Variants in BTAF1 observed in about 807,000 individuals in gnomAD.
The protein encoded by BTAF1 is B-TFIID TATA-box binding protein associated factor 1, also known as TATA-binding protein-associated factor 172.
BTAF1 carries 38 observed loss-of-function variants against 227.1 expected under a neutral mutation model. The observed-to-expected ratio is 0.17, with a 90% CI of 0.13 to 0.22. The LOEUF (loss-of-function observed/expected upper bound fraction) is 0.22. BTAF1 is among the 10% of genes least tolerant of loss of function. The probability of loss-of-function intolerance (pLI) is 1.00; values close to 1 mark genes in which losing one functional copy is unlikely to be tolerated. For synonymous variants in BTAF1, 742 were observed against 751.9 expected (o/e 0.99, Z 0.21); for missense variants, 1,598 against 2,204.0 (o/e 0.73, Z 5.51).
chr10:91,950,153 G>GGGA (rs1845659527), intron 4 of BTAF1, among the ~76,000 whole-genome samples: 1 of 89,968 alleles, frequency 1.1e-5, no homozygotes, highest in Non-Finnish European at 2.4e-5. Context: ...CTTTGTGGGG[G>GGGA]GGGGCGGGAA....
At chr10:92,025,096 A>G (rs1851404060) in intron 35 of BTAF1, 129 bp downstream of exon 35, 3 of 737,802 alleles carry the variant, frequency 4.1e-6, no homozygotes, top group Non-Finnish European at 6.5e-6. Flanking sequence ...ATTCACCCCA[A>G]ATAAACCCCT....
intron 14 of BTAF1, among the ~76,000 whole-genome samples, chr10:91,972,748 T>G (rs1250489285): frequency 1.3e-5 from 2 of 152,226 alleles, no homozygotes; most frequent in Non-Finnish European, 2.9e-5. Context: ...AAGCCAAAGC[T>G]TATTGTGAAT....
At chr10:91,950,053 G>A (rs1845640753) in intron 4 of BTAF1, among the ~76,000 whole-genome samples, 1 of 150,756 alleles carries the variant, frequency 6.6e-6, no homozygotes, top group East Asian at 2.0e-4. Flanking sequence ...GAGGCAGGAG[G>A]ACTCCTTAAG....
At chr10:92,028,709 A>C in intron 37 of BTAF1, 81 bp from the exon 38 acceptor site, 2 of 1,336,444 alleles carry the variant, frequency 1.5e-6, no homozygotes, top group Middle Eastern at 1.9e-4. Flanking sequence ...TATTAGAAAC[A>C]AGTGTGATTT....
intron 4 of BTAF1, 64 bp from the exon 5 acceptor site, chr10:91,951,339 A>G: frequency 6.7e-7 from 1 of 1,499,390 alleles, no homozygotes; most frequent in Non-Finnish European, 9.1e-7. Flanking sequence ...ATAGAGTTTG[A>G]TGTGCACGTA....
chr10:91,946,518 A>C (rs1323918512), intron 4 of BTAF1, among the ~76,000 whole-genome samples: 1 of 152,212 alleles, frequency 6.6e-6, no homozygotes, highest in Non-Finnish European at 1.5e-5. Context: ...GAGTTTTCCA[A>C]AGTGGCTCTG....
At chr10:91,935,507 C>T in intron 1 of BTAF1, 150 bp from the exon 2 acceptor site, 2 of 760,884 alleles carry the variant, frequency 2.6e-6, no homozygotes, top group Non-Finnish European at 3.8e-6. Context: ...CTTTCTGTGT[C>T]TGGCTTATTT....
chr10:92,008,719 T>C (rs1366976189), intron 26 of BTAF1, 110 bp from the exon 27 acceptor site: 1 of 1,037,340 alleles, frequency 9.6e-7, no homozygotes, highest in African/African-American at 1.6e-5. Context: ...ATTTCTCTTT[T>C]GCATATAGAA....
intron 32 of BTAF1, 26 bp from the exon 33 acceptor site, chr10:92,016,314 C>T (rs1324342157): frequency 3.2e-6 from 5 of 1,577,066 alleles, no homozygotes; most frequent in Non-Finnish European, 4.3e-6. Context: ...ATACTTAAAG[C>T]TTCTCCCACG....
intron 4 of BTAF1, among the ~76,000 whole-genome samples, chr10:91,946,969 C>T (rs1199989734): frequency 6.6e-6 from 1 of 151,758 alleles, no homozygotes; most frequent in African/African-American, 2.4e-5. Flanking sequence ...CTTCTTCCTG[C>T]AGTAGCTGGG....
rs144590214 is a variant in BTAF1, at chr10:92,016,404, C to T, written c.4649C>T (p.Ser1550Leu). 5.4e-5 allele frequency: 87 copies of T among 1,600,908 alleles called. No homozygotes were observed. The African/African-American group carries it at 7.5e-4, about 14-fold the overall frequency. Residue 1550 changes from serine to leucine, a missense_variant, in exon 33 of 38, where the codon TCA (serine) becomes TTA (leucine). Around this residue, in one of 10 missense-constraint regions of BTAF1, gnomAD observed 205 missense variants for 244.5 expected, o/e 0.84. Transcript: ENST00000265990. Reference sequence around the variant, plus strand: ...TGTGATGTTGATGAAACAGTTTCTTCAGCTACACTTTCTGAAGAAACTGAA... The same window carrying T: ...TGTGATGTTGATGAAACAGTTTCTTTAGCTACACTTTCTGAAGAAACTGAA... ...AKCDVDETVS[S>L]ATLSEETEKP...
intron 12 of BTAF1, among the ~76,000 whole-genome samples, chr10:91,963,690 A>AT (rs879865956): frequency 6.6e-6 from 1 of 152,066 alleles, no homozygotes; most frequent in African/African-American, 2.4e-5. Context: ...TAAAAACTAA[A>AT]TTTTTTTTAT....
At chr10:91,956,468 A>G (rs1846094557) in intron 6 of BTAF1, 60 bp from the exon 7 acceptor site, 2 of 1,484,604 alleles carry the variant, frequency 1.3e-6, no homozygotes, top group African/African-American at 2.9e-5. Flanking sequence ...TATTCATTTC[A>G]TTCATTGTGG....
At chr10:91,933,421 CAG>C (rs1398710499) in intron 1 of BTAF1, among the ~76,000 whole-genome samples, 4 of 152,098 alleles carry the variant, frequency 2.6e-5, no homozygotes, top group Non-Finnish European at 4.4e-5. Flanking sequence ...ACAGTTTCCT[CAG>C]GGAGAAACTG....
At chr10:91,944,114 T>C (rs1460839830) in intron 4 of BTAF1, among the ~76,000 whole-genome samples, 1 of 151,740 alleles carries the variant, frequency 6.6e-6, no homozygotes, top group Non-Finnish European at 1.5e-5. Flanking sequence ...TCGTGGCCAT[T>C]GCACTCCAGC....
At chr10:91,986,943 C>T (rs968525338) in intron 19 of BTAF1, among the ~76,000 whole-genome samples, 5 of 151,948 alleles carry the variant, frequency 3.3e-5, no homozygotes, top group Non-Finnish European at 4.4e-5. Context: ...CTGTTACCTG[C>T]CAAATATAGA....
In BTAF1 at chr10:91,928,717, T is replaced by A. The variant is rs1289328623; in HGVS notation, c.14+4627T>A. On this transcript the variant is annotated intron_variant, in intron 1 of 37. Transcript: ENST00000265990. ...CCAACGGTAAAAGCAACCTTTGCGA[T>A]CGCAGCACTGCACTCCAGCCTGGGC... Among the ~76,000 whole-genome samples the A allele has an allele frequency of 6.0e-5, 9 of 150,608 alleles. No homozygotes were observed. In the East Asian group the frequency reaches 9.8e-4, roughly 16 times the overall value.
rs988383550 is a variant in BTAF1, at chr10:91,966,852, G to A, written c.1650+95G>A. On this transcript the variant is annotated intron_variant, in intron 14 of 37. Coordinates refer to ENST00000265990, the MANE Select transcript of BTAF1 (RefSeq NM_003972.3). ...AGCTTACCCTTGCTGTATATCCAAA[G>A]ATCAGGACAATGTTGGGCCTAGTGG... 2.2e-4 allele frequency: 274 copies of A among 1,222,250 alleles called. 2 individuals carry two copies. The South Asian group carries it at 3.0e-3, about 13-fold the overall frequency. 75.7% of individuals were successfully genotyped at this position (1,222,250 alleles called of 1,614,324 possible). A position where few individuals can be genotyped will look rare whatever the true frequency, so the allele number is the denominator to read the frequency against.
intron 34 of BTAF1, 27 bp from the exon 35 acceptor site, chr10:92,024,729 G>GGAGTTTTT: frequency 2.6e-6 from 1 of 387,000 alleles, no homozygotes; most frequent in Non-Finnish European, 4.3e-6. Flanking sequence ...GAACGCTTAT[G>GGAGTTTTT]TAGTTTTTTT....
Sources: gnomAD v4.1 joint callset for allele counts (sites outside exome capture counted in the v4.1 genomes callset) on GRCh38, gnomAD v4.1.1 for gene constraint, gnomAD v4.1.1 regional missense constraint, MANE v1.5 for transcripts, NCBI Gene and HGNC (gene_info 2026-07-23, HGNC 2026-07-21) for gene names.